NALCN: variants seen among roughly 807,000 people sequenced by gnomAD.
NALCN encodes the protein sodium leak channel NALCN.
A neutral mutation model predicts 225.3 loss-of-function variants in NALCN; 111 were observed. That is an observed-to-expected ratio of 0.49 (90% confidence interval 0.42 to 0.58). The LOEUF (loss-of-function observed/expected upper bound fraction) is 0.58, where lower values mean the gene tolerates loss of function less well. NALCN is among the 20% of genes least tolerant of loss of function. The pLI is 0.00. For missense variants in NALCN, 1,378 were observed against 2,202.4 expected (o/e 0.63, Z 7.49); for synonymous variants, 764 against 769.0 (o/e 0.99, Z 0.11).
At position 101,104,760 on chromosome 13, in the gene NALCN, C is replaced by A; in HGVS notation, c.2637-110G>T. ...ATCAACATGACTGGTATTTTAAAAA[C>A]ATCATTCCCCAATCATCTATTTCAT... On this transcript the variant is annotated intron_variant, in intron 23 of 43. Coordinates refer to ENST00000251127, the MANE Select transcript of NALCN (RefSeq NM_052867.4). This position sits in a 1 kb window ranked among gnomAD's most constrained non-coding sequence, Gnocchi z 4.2. 2 of 1,553,896 alleles carry A rather than the reference C, an allele frequency of 1.3e-6. No individual in the cohort carries two copies. Among genetic ancestry groups the A allele is most frequent in the Non-Finnish European group, 8.8e-7 (1 of 1,137,084 alleles).
At position 101,276,097 on chromosome 13, in the gene NALCN, C is replaced by G. The variant is rs1193729486; in HGVS notation, c.1134+7836G>C. ...AAAAAAAAAAAAAAAAAAAAAGGAA[C>G]AGGCACGAGGGGCCCCTAAGTGACA... On this transcript the variant is annotated intron_variant, in intron 10 of 43. Transcript: ENST00000251127. 1.1e-3 allele frequency among the ~76,000 whole-genome samples: 143 copies of G among 124,846 alleles called. 1 individual carries two copies. Among genetic ancestry groups the G allele is most frequent in the African/African-American group, 4.0e-3 (137 of 34,296 alleles). 81.9% of individuals were successfully genotyped at this position (124,846 alleles called of 152,430 possible). A position where few individuals can be genotyped will look rare whatever the true frequency, so the allele number is the denominator to read the frequency against.
intron 11 of NALCN, among the ~76,000 whole-genome samples, chr13:101,241,126 T>C (rs900603837): frequency 2.0e-5 from 3 of 152,228 alleles, no homozygotes; most frequent in African/African-American, 7.2e-5. Context: ...CACAGGCCTT[T>C]TGGTGATGGT....
rs1190842794 is a variant in NALCN, at chr13:101,130,252, G to A, written c.2119-5571C>T. On this transcript the variant is annotated intron_variant, in intron 17 of 43. Coordinates refer to ENST00000251127, the MANE Select transcript of NALCN (RefSeq NM_052867.4). ...ACTCAGTTTTATTTCACATTTCATA[G>A]ACAATAGTCTCAGAATGAAAATACA... Among the ~76,000 whole-genome samples, 19 of 152,160 alleles carry A rather than the reference G, an allele frequency of 1.2e-4. 1 individual carries two copies. In the South Asian group the frequency reaches 3.7e-3, roughly 30 times the overall value.
intron 37 of NALCN, 133 bp downstream of exon 37, chr13:101,073,450 TG>T: frequency 1.5e-6 from 1 of 647,958 alleles, no homozygotes; most frequent in Non-Finnish European, 2.5e-6. Flanking sequence ...TGCAATTTTA[TG>T]GACTGAAGTG....
intron 3 of NALCN, among the ~76,000 whole-genome samples, chr13:101,380,539 T>A (rs2046819949): frequency 6.6e-6 from 1 of 152,330 alleles, no homozygotes; most frequent in South Asian, 2.1e-4. Context: ...AAGTCAATTC[T>A]GAATTCAGTC....
intron 15 of NALCN, among the ~76,000 whole-genome samples, chr13:101,166,048 G>T (rs2038422924): frequency 6.6e-6 from 1 of 152,166 alleles, no homozygotes; most frequent in Non-Finnish European, 1.5e-5. Flanking sequence ...TGTCCTCAAG[G>T]TTCATCCATG....
chr13:101,264,983 G>T (rs940295996), intron 10 of NALCN, among the ~76,000 whole-genome samples: 5 of 152,140 alleles, frequency 3.3e-5, no homozygotes, highest in African/African-American at 4.8e-5. Flanking sequence ...AAAAAGCAAG[G>T]AAGCCATTTC....
At chr13:101,327,391 GA>G (rs2044999745) in intron 7 of NALCN, among the ~76,000 whole-genome samples, 1 of 151,110 alleles carries the variant, frequency 6.6e-6, no homozygotes, top group Non-Finnish European at 1.5e-5. Flanking sequence ...CATTGGGGGG[GA>G]TGATATTTAG....
At chr13:101,298,958 A>C (rs945301282) in intron 7 of NALCN, among the ~76,000 whole-genome samples, 1 of 152,236 alleles carries the variant, frequency 6.6e-6, no homozygotes, top group Admixed American at 6.5e-5. Flanking sequence ...CTAGCATATA[A>C]TTTATATTAA....
intron 13 of NALCN, among the ~76,000 whole-genome samples, chr13:101,194,588 T>C (rs1017136990): frequency 1.6e-4 from 24 of 152,334 alleles, no homozygotes; most frequent in African/African-American, 4.6e-4. Context: ...CAAACAAGGA[T>C]TATTAGTGGT....
At chr13:101,128,716 T>TATAG (rs1261642787) in intron 17 of NALCN, among the ~76,000 whole-genome samples, 4 of 150,376 alleles carry the variant, frequency 2.7e-5, no homozygotes, top group African/African-American at 9.9e-5. Flanking sequence ...TGCCATCACA[T>TATAG]ATAGCTAAGT....
At chr13:101,213,836 C>T (rs2040619282) in intron 13 of NALCN, among the ~76,000 whole-genome samples, 1 of 152,204 alleles carries the variant, frequency 6.6e-6, no homozygotes, top group Non-Finnish European at 1.5e-5. Flanking sequence ...CACTTTTACA[C>T]TGTTGGTGGG....
intron 10 of NALCN, among the ~76,000 whole-genome samples, chr13:101,270,791 A>T (rs2042751345): frequency 1.3e-5 from 2 of 152,200 alleles, no homozygotes; most frequent in African/African-American, 4.8e-5. Flanking sequence ...AATACACAGC[A>T]CTTTCAAACC....
chr13:101,369,536 G>A (rs770470380), intron 6 of NALCN, among the ~76,000 whole-genome samples: 5 of 152,034 alleles, frequency 3.3e-5, no homozygotes, highest in South Asian at 2.1e-4. Flanking sequence ...ATGAGCTTTC[G>A]TTTGCCAGCA....
chr13:101,273,032 C>A lies in NALCN; in HGVS notation c.1134+10901G>T, dbSNP rs114710833. Reference sequence around the variant, plus strand: ...CCCTCTGTTCCTCACAGGAGGCACGCGGTGGAATATGCTACCAGAGGGAAA... The same window carrying A: ...CCCTCTGTTCCTCACAGGAGGCACGAGGTGGAATATGCTACCAGAGGGAAA... On this transcript the variant is annotated intron_variant, in intron 10 of 43. Coordinates refer to ENST00000251127, the MANE Select transcript of NALCN (RefSeq NM_052867.4). Among the ~76,000 whole-genome samples the A allele has an allele frequency of 1.7e-3, 253 of 152,286 alleles. 1 individual carries two copies. Among genetic ancestry groups the A allele is most frequent in the African/African-American group, 5.8e-3 (239 of 41,556 alleles).
At chr13:101,226,276 AC>A (rs1468783089) in intron 13 of NALCN, among the ~76,000 whole-genome samples, 2 of 151,722 alleles carry the variant, frequency 1.3e-5, no homozygotes, top group Non-Finnish European at 2.9e-5. Flanking sequence ...CCCAATCCCA[AC>A]CCCACAATAA....
chr13:101,384,978 T>C (rs2046947455), intron 3 of NALCN, among the ~76,000 whole-genome samples: 1 of 152,216 alleles, frequency 6.6e-6, no homozygotes. Context: ...GCATCCAGCA[T>C]GTAACTTCCA....
intron 7 of NALCN, among the ~76,000 whole-genome samples, chr13:101,331,506 A>C (rs568012): frequency 6.6e-6 from 1 of 151,980 alleles, no homozygotes; most frequent in Non-Finnish European, 1.5e-5. Flanking sequence ...TTGGAGGGAC[A>C]GAGAATGATA....
In NALCN at chr13:101,053,997, A is replaced by AAAAT. The variant is rs2030888949; in HGVS notation, c.*1294_*1297dup. 6.6e-6 allele frequency: 1 copy of AAAAT among 152,014 alleles called. No individual in the cohort carries two copies. Among genetic ancestry groups the AAAAT allele is most frequent in the South Asian group, 2.1e-4 (1 of 4,798 alleles). 9.4% of individuals were successfully genotyped at this position (152,014 alleles called of 1,614,324 possible). On this transcript the variant is annotated 3_prime_UTR_variant, in exon 44 of 44. Coordinates refer to ENST00000251127, the MANE Select transcript of NALCN (RefSeq NM_052867.4). ...CTATCTGAGGAATGTTAAATAGAGA[A>AAAAT]AAATAGATTATAAAACAACCTGGAG...
Sources: allele counts gnomAD v4.1 joint callset (sites outside exome capture counted in the v4.1 genomes callset), GRCh38; gene constraint gnomAD v4.1.1; non-coding constraint Gnocchi (gnomAD v3.1); transcripts MANE v1.5; gene names NCBI Gene and HGNC (gene_info 2026-07-23, HGNC 2026-07-21).